Variants in LARP1B observed in about 807,000 individuals in gnomAD.
LARP1B encodes the protein La ribonucleoprotein 1B.
In LARP1B, 76 loss-of-function variants were observed where a neutral mutation model predicts 114.2. The observed-to-expected ratio is 0.67, with a 90% CI of 0.55 to 0.81. The LOEUF is 0.81. LARP1B is among the 30% of genes least tolerant of loss of function. The pLI is 0.00. For missense variants in LARP1B, 1,014 were observed against 1,075.8 expected (o/e 0.94, Z 0.80); for synonymous variants, 345 against 348.0 (o/e 0.99, Z 0.10).
chr4:128,170,469 C>G (rs1207755427), intron 12 of LARP1B, among the ~76,000 whole-genome samples: 1 of 152,096 alleles, frequency 6.6e-6, no homozygotes, highest in Non-Finnish European at 1.5e-5. Flanking sequence ...TGTTTATTTC[C>G]TATTTCAGTT....
chr4:128,195,287 A>G (rs1041330646), intron 15 of LARP1B, among the ~76,000 whole-genome samples: 9 of 152,214 alleles, frequency 5.9e-5, no homozygotes, highest in African/African-American at 2.2e-4. Flanking sequence ...TAATCTAAGT[A>G]TTCGATATTA....
At chr4:128,147,964 C>A (rs1023032061) in intron 11 of LARP1B, among the ~76,000 whole-genome samples, 7 of 152,002 alleles carry the variant, frequency 4.6e-5, no homozygotes, top group Non-Finnish European at 8.8e-5. Context: ...AGTTTCTTGA[C>A]ATTGATTATC....
chr4:128,177,221 CT>C (rs1344809119), intron 13 of LARP1B, among the ~76,000 whole-genome samples: 1 of 152,090 alleles, frequency 6.6e-6, no homozygotes, highest in Non-Finnish European at 1.5e-5. Context: ...AATAATCATT[CT>C]GGTAACAGTG....
intron 11 of LARP1B, among the ~76,000 whole-genome samples, chr4:128,147,191 C>T (rs1021878471): frequency 1.6e-4 from 24 of 152,120 alleles, no homozygotes; most frequent in African/African-American, 5.8e-4. Flanking sequence ...GGACGAGAGA[C>T]CTCTTTTGTA....
At position 128,121,827 on chromosome 4, in the gene LARP1B, A is replaced by G; in HGVS notation, c.1163A>G (p.Glu388Gly). The change falls in exon 11 of 20, where the codon GAA becomes GGA. Residue 388 changes from glutamate to glycine, a missense_variant and splice_region_variant. Physicochemically the swap from Glu to Gly is moderately conservative, Grantham distance 98. Transcript: ENST00000326639. Reference sequence around the variant, plus strand: ...TAAATTACCAATTTCTTCCTTCAGGAATCAGTGTCTGTCCCTGAAGGGTCA... The same window carrying G: ...TAAATTACCAATTTCTTCCTTCAGGGATCAGTGTCTGTCCCTGAAGGGTCA... ...RHQPAPVKLRESVSVPEGSLN... is the reference protein window; with the variant it reads ...RHQPAPVKLRGSVSVPEGSLN... 1.3e-6 allele frequency: 2 copies of G among 1,526,178 alleles called. No homozygotes were observed. Among genetic ancestry groups the G allele is most frequent in the Non-Finnish European group, 1.8e-6 (2 of 1,138,444 alleles). The allele number at this position is 1,526,178 out of a possible 1,614,324, so 94.5% of individuals were successfully genotyped here. A position where few individuals can be genotyped will look rare whatever the true frequency, so the allele number is the denominator to read the frequency against.
At chr4:128,157,551 A>G (rs1348160540) in intron 11 of LARP1B, among the ~76,000 whole-genome samples, 1 of 152,204 alleles carries the variant, frequency 6.6e-6, no homozygotes, top group Admixed American at 6.5e-5. Flanking sequence ...TCAAGACCAT[A>G]TAAAACAACT....
At position 128,205,042 on chromosome 4, in the gene LARP1B, G is replaced by A. The variant is rs1321718925; in HGVS notation, c.2310-1386G>A. Among the ~76,000 whole-genome samples the A allele has an allele frequency of 3.3e-5, 5 of 152,272 alleles. 1 individual carries two copies. Among genetic ancestry groups the A allele is most frequent in the Admixed American group, 2.6e-4 (4 of 15,306 alleles). ...GTCATTCTGAACTGTGGTTCCTTTAGTCTTTGATCTCCTTAGACTTCAGTC... is the reference window on the plus strand; with the variant it reads ...GTCATTCTGAACTGTGGTTCCTTTAATCTTTGATCTCCTTAGACTTCAGTC... On this transcript the variant is annotated intron_variant, in intron 17 of 19. Transcript: ENST00000326639.
chr4:128,176,301 A>ATT (rs1306057256), intron 12 of LARP1B, among the ~76,000 whole-genome samples: 3 of 103,922 alleles, frequency 2.9e-5, no homozygotes, highest in African/African-American at 1.3e-4. Context: ...ATATATATAT[A>ATT]TTTTTTTTTT....
intron 10 of LARP1B, among the ~76,000 whole-genome samples, chr4:128,117,441 AG>A (rs1468194479): frequency 6.6e-6 from 1 of 152,082 alleles, no homozygotes; most frequent in Non-Finnish European, 1.5e-5. Context: ...GCTGGAGTAC[AG>A]TGGCGTGATC....
chr4:128,136,323 A>C (rs867310699), intron 11 of LARP1B, among the ~76,000 whole-genome samples: 1 of 151,654 alleles, frequency 6.6e-6, no homozygotes, highest in Non-Finnish European at 1.5e-5. Flanking sequence ...AAGAAAAACA[A>C]AAAAACAAAA....
At chr4:128,096,029 T>C (rs1393653839) in intron 7 of LARP1B, among the ~76,000 whole-genome samples, 1 of 147,624 alleles carries the variant, frequency 6.8e-6, no homozygotes, top group Non-Finnish European at 1.5e-5. Context: ...AGTCTCGCTC[T>C]GTTGCCCAGG....
chr4:128,187,356 C>A (rs1315915304), intron 15 of LARP1B, among the ~76,000 whole-genome samples: 2 of 152,256 alleles, frequency 1.3e-5, no homozygotes, highest in Non-Finnish European at 2.9e-5. Flanking sequence ...CTTGCACCAG[C>A]ATACCCTGGA....
In LARP1B at chr4:128,090,995, T is replaced by TA; in HGVS notation, c.359-2dup. ...AAGTATATAAAAATATTTTTATTTT[T>TA]AAAAGGTTGGAAGCGAGATAGAGAA... is the stretch of plus-strand genomic sequence containing the variant. On this transcript the variant is annotated splice_polypyrimidine_tract_variant and splice_region_variant and intron_variant, in intron 5 of 19. Transcript: ENST00000326639. The TA allele has an allele frequency of 6.3e-7, 1 of 1,581,340 alleles. No individual in the cohort carries two copies. Among genetic ancestry groups the TA allele is most frequent in the Non-Finnish European group, 8.6e-7 (1 of 1,161,770 alleles).
intron 19 of LARP1B, among the ~76,000 whole-genome samples, 187 bp downstream of exon 19, chr4:128,207,570 A>G (rs758542817): frequency 1.3e-5 from 2 of 152,230 alleles, no homozygotes; most frequent in Non-Finnish European, 2.9e-5. Flanking sequence ...AGATTTCGCA[A>G]ATGTTAACAT....
chr4:128,179,853 T>C (rs1288874884), intron 15 of LARP1B, among the ~76,000 whole-genome samples: 1 of 152,214 alleles, frequency 6.6e-6, no homozygotes, highest in Non-Finnish European at 1.5e-5. Context: ...AGGACATTAA[T>C]GTGCTAAACA....
In LARP1B at chr4:128,199,804, G is replaced by A. The variant is rs539213785; in HGVS notation, c.2164+205G>A. Among the ~76,000 whole-genome samples, 10 of 152,008 alleles carry A rather than the reference G, an allele frequency of 6.6e-5. No individual in the cohort carries two copies. In the South Asian group the frequency reaches 1.7e-3, roughly 25 times the overall value. On this transcript the variant is annotated intron_variant, in intron 16 of 19. Coordinates refer to ENST00000326639, the MANE Select transcript of LARP1B (RefSeq NM_018078.4). ...TTAGGAAATAAAAATTAATATACTC[G>A]GCTGAGCATGGTGGCTCATGCCAGT...
At chr4:128,087,330 TAA>T (rs1342037097) in intron 5 of LARP1B, among the ~76,000 whole-genome samples, 1 of 152,208 alleles carries the variant, frequency 6.6e-6, no homozygotes, top group Admixed American at 6.6e-5. Flanking sequence ...TGAAATCTGA[TAA>T]GTCATGTCCT....
At chr4:128,187,732 C>T (rs1205918978) in intron 15 of LARP1B, among the ~76,000 whole-genome samples, 1 of 152,134 alleles carries the variant, frequency 6.6e-6, no homozygotes, top group Non-Finnish European at 1.5e-5. Flanking sequence ...GATCTATGTC[C>T]CCACCCAAAT....
intron 7 of LARP1B, among the ~76,000 whole-genome samples, chr4:128,222,122 A>G (rs539635293): frequency 1.3e-5 from 2 of 152,274 alleles, no homozygotes; most frequent in African/African-American, 4.8e-5. Context: ...TAATTGTTTT[A>G]TTGTCCTAAC....
Sources: gnomAD v4.1 joint callset for allele counts (sites outside exome capture counted in the v4.1 genomes callset) on GRCh38, gnomAD v4.1.1 for gene constraint, MANE v1.5 for transcripts, NCBI Gene and HGNC (gene_info 2026-07-23, HGNC 2026-07-21) for gene names.